The following PTCSC3 variants were observed in gnomAD, a reference collection of about 807,000 sequenced individuals.
The protein encoded by PTCSC3 is papillary thyroid carcinoma susceptibility candidate 3 (non-protein coding).
chr14:36,156,841 G>C (rs1881838915), intron 2 of PTCSC3, among the ~76,000 whole-genome samples: 1 of 152,060 alleles, frequency 6.6e-6, no homozygotes, highest in African/African-American at 2.4e-5. Context: ...GGTTCCAAGT[G>C]TTTGCTGTTG....
At chr14:36,162,807 A>C (rs1881995636) in intron 1 of PTCSC3, 1 of 152,242 alleles carries the variant, frequency 6.6e-6, no homozygotes, top group Non-Finnish European at 1.5e-5. Context: ...AGTGATTTTC[A>C]AAACCTTGCC....
At chr14:36,160,057 GT>G (rs1881921705) in intron 2 of PTCSC3, among the ~76,000 whole-genome samples, 1 of 151,904 alleles carries the variant, frequency 6.6e-6, no homozygotes, top group Non-Finnish European at 1.5e-5. Flanking sequence ...CCCTGCTTTT[GT>G]TTTTGCTCTC....
intron 2 of PTCSC3, among the ~76,000 whole-genome samples, chr14:36,161,708 C>G (rs185048870): frequency 5.3e-5 from 8 of 152,250 alleles, no homozygotes; most frequent in Admixed American, 4.6e-4. Context: ...GGTCAGGGAC[C>G]CATTTGAGGA....
At chr14:36,139,777 C>T (rs769757352) in intron 3 of PTCSC3, among the ~76,000 whole-genome samples, 2 of 152,100 alleles carry the variant, frequency 1.3e-5, no homozygotes, top group African/African-American at 4.8e-5. Context: ...CTGGTTTCAG[C>T]GTCTTGCATT....
intron 2 of PTCSC3, chr14:36,162,574 C>T (rs983775625): frequency 1.3e-5 from 2 of 152,390 alleles, no homozygotes; most frequent in East Asian, 1.9e-4. Flanking sequence ...TCTCACCAGT[C>T]CCAATGAGAT....
At chr14:36,139,130 A>G (rs1224031758) in intron 3 of PTCSC3, among the ~76,000 whole-genome samples, 2 of 151,324 alleles carry the variant, frequency 1.3e-5, no homozygotes, top group Non-Finnish European at 2.9e-5. Flanking sequence ...AAAAAAAAAA[A>G]AAAAAAAAAA....
intron 2 of PTCSC3, among the ~76,000 whole-genome samples, chr14:36,157,505 T>C (rs149255583): frequency 1.3e-5 from 2 of 152,318 alleles, no homozygotes. Context: ...ATTGCCTAGG[T>C]TTTTTTCTAG....
intron 3 of PTCSC3, among the ~76,000 whole-genome samples, chr14:36,138,950 T>C (rs1881352405): frequency 1.3e-5 from 2 of 151,648 alleles, no homozygotes; most frequent in Non-Finnish European, 2.9e-5. Flanking sequence ...CCGTCTCTAC[T>C]AAAAATACAA....
chr14:36,157,364 A>G (rs1214989996), intron 2 of PTCSC3, among the ~76,000 whole-genome samples: 2 of 152,064 alleles, frequency 1.3e-5, no homozygotes, highest in Admixed American at 1.3e-4. Flanking sequence ...GTTCACTCTG[A>G]TGGTAGTTTC....
chr14:36,154,741 G>T (rs1881793424), intron 2 of PTCSC3, among the ~76,000 whole-genome samples: 1 of 152,162 alleles, frequency 6.6e-6, no homozygotes, highest in African/African-American at 2.4e-5. Context: ...CTCTCTCTGG[G>T]GGAGGGGCAA....
chr14:36,147,916 C>G (rs961872942), intron 3 of PTCSC3, among the ~76,000 whole-genome samples: 1 of 152,008 alleles, frequency 6.6e-6, no homozygotes, highest in Non-Finnish European at 1.5e-5. Context: ...TTGGAATACC[C>G]TGCCGTGTGA....
In PTCSC3 at chr14:36,142,168, T is replaced by C. The variant is rs1401857410; in HGVS notation, n.323-5812A>G. Among the ~76,000 whole-genome samples the C allele has an allele frequency of 2.6e-5, 4 of 152,230 alleles. No homozygotes were observed. The East Asian group carries it at 7.7e-4, about 29-fold the overall frequency. Reference sequence around the variant, plus strand: ...ATGTTAGCTGGAAGTTTTTGGTAGATATTCCTTATCAAGCTGAAAAAGTTT... The same window carrying C: ...ATGTTAGCTGGAAGTTTTTGGTAGACATTCCTTATCAAGCTGAAAAAGTTT... On this transcript the variant is annotated intron_variant and non_coding_transcript_variant, in intron 3 of 3. Coordinates refer to ENST00000556013, the Ensembl canonical transcript of PTCSC3.
At chr14:36,152,840 G>A (rs1206206876) in intron 3 of PTCSC3, among the ~76,000 whole-genome samples, 2 of 150,878 alleles carry the variant, frequency 1.3e-5, no homozygotes, top group African/African-American at 4.9e-5. Context: ...GTTGCAGTGA[G>A]CTGAGATGGT....
At chr14:36,159,274 C>T (rs937351382) in intron 2 of PTCSC3, among the ~76,000 whole-genome samples, 1 of 145,706 alleles carries the variant, frequency 6.9e-6, no homozygotes, top group East Asian at 2.0e-4. Context: ...TTAGTTATTT[C>T]TTGTCTTCTG....
chr14:36,141,563 G>A (rs1881421294), intron 3 of PTCSC3, among the ~76,000 whole-genome samples: 1 of 152,118 alleles, frequency 6.6e-6, no homozygotes, highest in African/African-American at 2.4e-5. Context: ...ATGTTGGCCA[G>A]GCTGGTCTCG....
chr14:36,137,758 G>C (rs1379480325), intron 3 of PTCSC3, among the ~76,000 whole-genome samples: 1 of 152,178 alleles, frequency 6.6e-6, no homozygotes, highest in Non-Finnish European at 1.5e-5. Flanking sequence ...CATGGTGAAG[G>C]CTGCAAAAGG....
At chr14:36,148,369 G>A (rs1179382396) in intron 3 of PTCSC3, among the ~76,000 whole-genome samples, 2 of 152,194 alleles carry the variant, frequency 1.3e-5, no homozygotes, top group African/African-American at 4.8e-5. Context: ...GTCGTGGTGC[G>A]CCGTTTTTTA....
chr14:36,149,379 G>C (rs1414165367), intron 3 of PTCSC3, among the ~76,000 whole-genome samples: 1 of 152,036 alleles, frequency 6.6e-6, no homozygotes, highest in Non-Finnish European at 1.5e-5. Context: ...AATTATTACA[G>C]ATGTTTTTAT....
At chr14:36,172,079 T>C in intron 1 of PTCSC3, among the ~76,000 whole-genome samples, 1 of 152,216 alleles carries the variant, frequency 6.6e-6, no homozygotes, top group East Asian at 1.9e-4. Flanking sequence ...GCTTCCTTGA[T>C]GAATTTAATA....
Sources: allele counts gnomAD v4.1 joint callset (sites outside exome capture counted in the v4.1 genomes callset), GRCh38; gene constraint gnomAD v4.1.1; transcripts MANE v1.5; gene names NCBI Gene and HGNC (gene_info 2026-07-23, HGNC 2026-07-21).